Variants in FRAS1 observed in about 807,000 individuals in gnomAD.
FRAS1 encodes the protein Fraser extracellular matrix complex subunit 1.
In FRAS1, 290 loss-of-function variants were observed where a neutral mutation model predicts 435.2. The ratio of observed to expected loss-of-function variants is 0.67; its 90% CI spans 0.61 to 0.73. The LOEUF (loss-of-function observed/expected upper bound fraction) is 0.73, where lower values mean the gene tolerates loss of function less well. Ranked by LOEUF, FRAS1 falls within the 30% of genes least tolerant of loss-of-function variation. The pLI, the probability that FRAS1 is intolerant of heterozygous loss-of-function variation, is 0.00. For synonymous variants in FRAS1, 1,800 were observed against 1,851.0 expected, an observed-to-expected ratio of 0.97 and a Z score of 0.71; for missense variants, 4,860 against 5,001.5, an observed-to-expected ratio of 0.97 and a Z score of 0.85.
At chr4:78,411,508 T>C (rs115827643) in intron 31 of FRAS1, among the ~76,000 whole-genome samples, 10 of 152,180 alleles carry the variant, frequency 6.6e-5, no homozygotes, top group Admixed American at 6.5e-4. Context: ...TTGGGACATA[T>C]GTAATGCCAG....
intron 1 of FRAS1, among the ~76,000 whole-genome samples, chr4:78,061,940 G>A (rs1014544184): frequency 3.3e-5 from 5 of 152,142 alleles, no homozygotes; most frequent in Admixed American, 1.3e-4. Flanking sequence ...TTGTAACTTT[G>A]CATCCTTTGG....
chr4:78,440,429 G>A (rs1734616058), intron 40 of FRAS1, among the ~76,000 whole-genome samples: 1 of 152,158 alleles, frequency 6.6e-6, no homozygotes, highest in African/African-American at 2.4e-5. Context: ...CATTCCCAGA[G>A]TCAGAGTGAC....
chr4:78,247,209 C>T (rs903308011), intron 4 of FRAS1, among the ~76,000 whole-genome samples: 1 of 152,084 alleles, frequency 6.6e-6, no homozygotes, highest in African/African-American at 2.4e-5. Flanking sequence ...TTCTTCTCCC[C>T]ACTTCCCTTG....
At chr4:78,297,342 G>C (rs1825417) in intron 14 of FRAS1, among the ~76,000 whole-genome samples, 1 of 152,072 alleles carries the variant, frequency 6.6e-6, no homozygotes, top group Non-Finnish European at 1.5e-5. Context: ...AATGGGTGTC[G>C]GTGTCCACTG....
chr4:78,465,898 A>G (rs13106736), intron 49 of FRAS1, among the ~76,000 whole-genome samples: 36,698 of 152,178 alleles, frequency 0.24, 5,034 homozygotes, highest in South Asian at 0.52. Context: ...AAGGAAATGA[A>G]CAGTTTAAAA....
Position 78,180,988 on chromosome 4 carries a change from C to T in FRAS1, c.109-56522C>T, listed in dbSNP as rs188140767. 3.0e-4 allele frequency: 488 copies of T among 1,610,696 alleles called. 5 individuals are homozygous for T. The East Asian group carries it at 8.6e-3, about 28-fold the overall frequency. ...CCATGTCCACCTTGTCCTCCCCTGC[C>T]GCCACGTCCTGGGCGGCCAAGGTCT... On this transcript the variant is annotated intron_variant, in intron 2 of 73. Coordinates refer to ENST00000512123, the MANE Select transcript of FRAS1 (RefSeq NM_025074.7).
At chr4:78,456,138 CTT>C (rs753676442) in intron 47 of FRAS1, among the ~76,000 whole-genome samples, 2 of 51,486 alleles carry the variant, frequency 3.9e-5, no homozygotes, top group South Asian at 4.3e-4. Context: ...ACACATGTCA[CTT>C]TTTTTTTTTT....
In FRAS1 at chr4:78,432,433, C is replaced by A. The variant is rs35219594; in HGVS notation, c.5046C>A (p.Asp1682Glu). Residue 1682 changes from aspartate to glutamate, a missense_variant, in exon 38 of 74, where the codon GAC becomes GAA. Transcript: ENST00000512123. ...YIHDGSSTREDSMEISVTDGL... is the reference protein window; with the variant it reads ...YIHDGSSTREESMEISVTDGL... Reference sequence around the variant, plus strand: ...ATGATGGTTCCTCTACCCGGGAAGACAGCATGGAGATCTCAGTCACAGATG... The same window carrying A: ...ATGATGGTTCCTCTACCCGGGAAGAAAGCATGGAGATCTCAGTCACAGATG... 1.5e-5 allele frequency: 24 copies of A among 1,612,660 alleles called. No individual in the cohort carries two copies. Among genetic ancestry groups the A allele is most frequent in the Middle Eastern group, 3.3e-4 (2 of 6,084 alleles).
intron 29 of FRAS1, among the ~76,000 whole-genome samples, chr4:78,388,976 TC>T (rs1162471386): frequency 6.6e-6 from 1 of 152,178 alleles, no homozygotes; most frequent in Non-Finnish European, 1.5e-5. Context: ...ACTTATGAAA[TC>T]ATGGGCTTAA....
At chr4:78,533,998 G>A (rs547877450) in intron 70 of FRAS1, among the ~76,000 whole-genome samples, 1 of 152,300 alleles carries the variant, frequency 6.6e-6, no homozygotes, top group East Asian at 1.9e-4. Context: ...TGGGGAGGTA[G>A]GCACACAGAG....
intron 64 of FRAS1, among the ~76,000 whole-genome samples, chr4:78,512,817 A>G (rs1479615779): frequency 6.6e-6 from 1 of 152,228 alleles, no homozygotes; most frequent in African/African-American, 2.4e-5. Context: ...TAGTGCTGAT[A>G]GGACTTACAG....
rs906581004 is a variant in FRAS1, at chr4:78,176,271, C to G, written c.109-61239C>G. Among the ~76,000 whole-genome samples the G allele has an allele frequency of 8.5e-5, 13 of 152,292 alleles. No homozygotes were observed. The East Asian group carries it at 2.3e-3, about 27-fold the overall frequency. On this transcript the variant is annotated intron_variant, in intron 2 of 73. Coordinates refer to ENST00000512123, the MANE Select transcript of FRAS1 (RefSeq NM_025074.7). ...GGCTAGAATGTCATAGAATCTTGGA[C>G]TTGGAATACAGCATCCCATTTGTTC...
rs1306499764 is a variant in FRAS1 at position 78,479,386 on chromosome 4, G to A, written c.8111G>A (p.Ser2704Asn). Residue 2704 changes from serine (S) to asparagine (N), a missense_variant, in exon 56 of 74, where the codon AGC becomes AAC. Transcript: ENST00000512123. ...ATTTGTATTTCAGGAGATGCAAGCA[G>A]CATTGTATCTGCAATTTGCTACACA... ...APIERKGDAS[S>N]IVSAICYTVP... 3 of 1,495,242 alleles carry A rather than the reference G, an allele frequency of 2.0e-6. No homozygotes were observed. Among genetic ancestry groups the A allele is most frequent in the Non-Finnish European group, 2.7e-6 (3 of 1,118,980 alleles). 92.6% of individuals were successfully genotyped at this position (1,495,242 alleles called of 1,614,324 possible).
intron 2 of FRAS1, among the ~76,000 whole-genome samples, chr4:78,174,967 A>G (rs1721702675): frequency 6.6e-6 from 1 of 152,270 alleles, no homozygotes; most frequent in South Asian, 2.1e-4. Flanking sequence ...TTATTGAGGC[A>G]GAAAGGCATT....
At chr4:78,480,269 C>T (rs866009335) in intron 56 of FRAS1, among the ~76,000 whole-genome samples, 3 of 152,144 alleles carry the variant, frequency 2.0e-5, no homozygotes, top group Admixed American at 2.0e-4. Context: ...TGGTAACCAT[C>T]CTTCTACAAC....
chr4:78,093,491 A>G (rs1283652322), intron 2 of FRAS1, among the ~76,000 whole-genome samples: 1 of 152,248 alleles, frequency 6.6e-6, no homozygotes, highest in Non-Finnish European at 1.5e-5. Flanking sequence ...CTAGTCTCAT[A>G]AAAACCTTAT....
At chr4:78,420,879 C>CATATATATATATATATATAT (rs72430754) in intron 33 of FRAS1, among the ~76,000 whole-genome samples, 4 of 95,516 alleles carry the variant, frequency 4.2e-5, no homozygotes, top group Non-Finnish European at 7.8e-5. Context: ...ACTAATAGGA[C>CATATATATATATATATATAT]ATATATATAT....
At chr4:78,363,473 G>A (rs1731153739) in intron 20 of FRAS1, 40 bp from the exon 21 acceptor site, 1 of 1,571,882 alleles carries the variant, frequency 6.4e-7, no homozygotes, top group Non-Finnish European at 8.6e-7. Flanking sequence ...TTGTGCTCAT[G>A]AGCACCCGTG....
Position 78,473,218 on chromosome 4 carries a change from C to T in FRAS1, c.7523-220C>T, listed in dbSNP as rs6816761. Among the ~76,000 whole-genome samples the T allele has an allele frequency of 9.5e-3, 1,439 of 152,188 alleles. 23 individuals are homozygous for T. The highest frequency in any genetic ancestry group is 0.033 in the African/African-American group (1,380 of 41,520). On this transcript the variant is annotated intron_variant, in intron 52 of 73. Transcript: ENST00000512123. ...AGCATAAGAGATATTTACAATATCT[C>T]TGTACTTAAAGACAGATCTTTTTTT...
Sources: gnomAD v4.1 joint callset for allele counts (sites outside exome capture counted in the v4.1 genomes callset) on GRCh38, gnomAD v4.1.1 for gene constraint, MANE v1.5 for transcripts, NCBI Gene and HGNC (gene_info 2026-07-23, HGNC 2026-07-21) for gene names.